LOC128706666: variants seen among roughly 807,000 people sequenced by gnomAD.
At chr20:10,434,028 G>A in the LOC128706666 span, 2 of 152,378 alleles carry the variant, frequency 1.3e-5, no homozygotes, top group African/African-American at 2.4e-5. Flanking sequence ...GGGTGGAGAG[G>A]GAGGCGCCTA....
the LOC128706666 span, among the ~76,000 whole-genome samples, chr20:10,424,635 A>G: frequency 6.6e-6 from 1 of 152,226 alleles, no homozygotes; most frequent in African/African-American, 2.4e-5. Context: ...TTAGCGAGGT[A>G]ATGTGTTATT....
At chr20:10,431,183 G>A in the LOC128706666 span, among the ~76,000 whole-genome samples, 1 of 152,060 alleles carries the variant, frequency 6.6e-6, no homozygotes, top group Non-Finnish European at 1.5e-5. Context: ...CACCCCTGGA[G>A]GTTCCTGCTT....
chr20:10,432,286 C>T, the LOC128706666 span, among the ~76,000 whole-genome samples: 1 of 152,238 alleles, frequency 6.6e-6, no homozygotes, highest in South Asian at 2.1e-4. Context: ...AATCCTGCTT[C>T]CTTTCTTCCT....
chr20:10,432,652 G>C, the LOC128706666 span, among the ~76,000 whole-genome samples: 1 of 152,102 alleles, frequency 6.6e-6, no homozygotes, highest in Non-Finnish European at 1.5e-5. Flanking sequence ...AAATTAGCCA[G>C]GTGCAGTGGC....
the LOC128706666 span, among the ~76,000 whole-genome samples, chr20:10,418,192 T>G: frequency 6.6e-6 from 1 of 152,234 alleles, no homozygotes; most frequent in Non-Finnish European, 1.5e-5. Flanking sequence ...GCTTAAGATT[T>G]GATTTAAAAT....
At chr20:10,419,197 C>A in the LOC128706666 span, among the ~76,000 whole-genome samples, 2 of 152,048 alleles carry the variant, frequency 1.3e-5, no homozygotes, top group African/African-American at 4.8e-5. Flanking sequence ...TATAACAAAA[C>A]TTAGAGCATA....
At chr20:10,422,788 T>C in the LOC128706666 span, among the ~76,000 whole-genome samples, 6 of 151,728 alleles carry the variant, frequency 4.0e-5, no homozygotes, top group Non-Finnish European at 1.5e-5. Flanking sequence ...CTCAGCTCAC[T>C]GCAAGCTCCG....
chr20:10,427,223 A>C, the LOC128706666 span, among the ~76,000 whole-genome samples: 1 of 152,174 alleles, frequency 6.6e-6, no homozygotes, highest in Non-Finnish European at 1.5e-5. Context: ...ATTAGGCCTA[A>C]AATAACTTGG....
chr20:10,426,251 ATTC>A, the LOC128706666 span, among the ~76,000 whole-genome samples: 3 of 152,332 alleles, frequency 2.0e-5, no homozygotes, highest in African/African-American at 7.2e-5. Flanking sequence ...CTACTAAGCA[ATTC>A]TTCAAGTCAA....
the LOC128706666 span, among the ~76,000 whole-genome samples, chr20:10,418,022 A>AT: frequency 6.6e-6 from 1 of 152,192 alleles, no homozygotes; most frequent in Non-Finnish European, 1.5e-5. Flanking sequence ...ACCTGAAAAG[A>AT]TTTTTTATAG....
the LOC128706666 span, among the ~76,000 whole-genome samples, chr20:10,419,391 G>A: frequency 4.6e-5 from 7 of 151,902 alleles, no homozygotes; most frequent in South Asian, 2.1e-4. Flanking sequence ...ATAGTATAAC[G>A]CTATATTATA....
chr20:10,430,113 G>C, the LOC128706666 span, among the ~76,000 whole-genome samples: 1 of 152,188 alleles, frequency 6.6e-6, no homozygotes, highest in Admixed American at 6.5e-5. Flanking sequence ...TTTTTGACTA[G>C]AGTGAAATCT....
At chr20:10,430,880 C>T in the LOC128706666 span, among the ~76,000 whole-genome samples, 1 of 152,168 alleles carries the variant, frequency 6.6e-6, no homozygotes, top group African/African-American at 2.4e-5. Context: ...GAAACTTGGT[C>T]GACATTTTCA....
the LOC128706666 span, among the ~76,000 whole-genome samples, chr20:10,422,852 C>T: frequency 1.3e-5 from 2 of 151,874 alleles, no homozygotes; most frequent in Admixed American, 1.3e-4. Flanking sequence ...GCTGGGACTA[C>T]AGGTGCCCGC....
the LOC128706666 span, among the ~76,000 whole-genome samples, chr20:10,416,391 G>A: frequency 1.3e-5 from 2 of 152,010 alleles, no homozygotes; most frequent in East Asian, 3.9e-4. Context: ...TGTTATTAAA[G>A]ACTACGTGGG....
the LOC128706666 span, among the ~76,000 whole-genome samples, chr20:10,429,611 C>T: frequency 6.6e-6 from 1 of 152,218 alleles, no homozygotes; most frequent in Admixed American, 6.5e-5. Context: ...GCATCATCTA[C>T]TAAGCCATTC....
chr20:10,415,404 A>G, the LOC128706666 span, among the ~76,000 whole-genome samples: 3 of 152,216 alleles, frequency 2.0e-5, no homozygotes, highest in Non-Finnish European at 2.9e-5. Context: ...AATGTTATGC[A>G]AATGTTATTT....
the LOC128706666 span, among the ~76,000 whole-genome samples, chr20:10,433,523 T>C: frequency 1.0e-3 from 152 of 152,306 alleles, no homozygotes; most frequent in African/African-American, 3.2e-3. Flanking sequence ...AACCGTCATA[T>C]TGAGTCTCTG....
At chr20:10,419,277 T>C in the LOC128706666 span, among the ~76,000 whole-genome samples, 26 of 152,312 alleles carry the variant, frequency 1.7e-4, no homozygotes, top group Non-Finnish European at 3.5e-4. Flanking sequence ...CACAGTTCTT[T>C]ATCTGAAACT....
Sources: gnomAD v4.1 joint callset for allele counts (sites outside exome capture counted in the v4.1 genomes callset) on GRCh38, gnomAD v4.1.1 for gene constraint, MANE v1.5 for transcripts.